MECOM: variants seen among roughly 807,000 people sequenced by gnomAD.
MECOM encodes histone-lysine N-methyltransferase MECOM.
A neutral mutation model predicts 116.3 loss-of-function variants in MECOM; 13 were observed. That is an observed-to-expected ratio of 0.11 (90% CI 0.07 to 0.18). The LOEUF (loss-of-function observed/expected upper bound fraction) is 0.18. Among genes scored for constraint, MECOM ranks in the 10% least tolerant of loss-of-function variants. The pLI, the probability that MECOM is intolerant of heterozygous loss-of-function variation, is 1.00. For synonymous variants in MECOM, 528 were observed against 535.2 expected (o/e 0.99, Z 0.19); for missense variants, 1,299 against 1,509.0 (o/e 0.86, Z 2.31).
At chr3:169,532,796 C>A (rs886319057) in intron 1 of MECOM, among the ~76,000 whole-genome samples, 3 of 150,000 alleles carry the variant, frequency 2.0e-5, no homozygotes, top group Non-Finnish European at 4.4e-5. Flanking sequence ...ATCTGAGAGT[C>A]CTTCAGGAGT....
At chr3:169,662,948 G>T (rs1776506921) in intron 1 of MECOM, among the ~76,000 whole-genome samples, 1 of 151,018 alleles carries the variant, frequency 6.6e-6, no homozygotes, top group Non-Finnish European at 1.5e-5. Context: ...TCCCCCGCCT[G>T]GGGGGAAGGG....
intron 10 of MECOM, among the ~76,000 whole-genome samples, chr3:169,106,515 T>C (rs1188106278): frequency 6.6e-6 from 1 of 152,162 alleles, no homozygotes. Flanking sequence ...CTAATATCTG[T>C]TTTATAATAC....
chr3:169,329,376 G>T (rs1722365472), intron 2 of MECOM, among the ~76,000 whole-genome samples: 1 of 152,176 alleles, frequency 6.6e-6, no homozygotes. Context: ...TTCGGAAGCT[G>T]TTTTGTCCAT....
intron 1 of MECOM, among the ~76,000 whole-genome samples, chr3:169,640,544 G>C (rs985642673): frequency 2.6e-5 from 4 of 152,194 alleles, no homozygotes; most frequent in Non-Finnish European, 4.4e-5. Context: ...TACTACTAAG[G>C]CTTCTCTTCT....
chr3:169,167,203 T>G (rs751582699), intron 2 of MECOM, among the ~76,000 whole-genome samples: 2 of 152,196 alleles, frequency 1.3e-5, no homozygotes, highest in South Asian at 2.1e-4. Flanking sequence ...TTATTTATTG[T>G]TTGTTTCATA....
intron 16 of MECOM, among the ~76,000 whole-genome samples, chr3:169,085,888 C>A (rs1475102878): frequency 6.6e-6 from 1 of 152,174 alleles, no homozygotes; most frequent in Non-Finnish European, 1.5e-5. Context: ...TGTAAGTGAA[C>A]TTTTCACTGT....
chr3:169,280,615 A>G (rs1344327651), intron 2 of MECOM, among the ~76,000 whole-genome samples: 2 of 152,224 alleles, frequency 1.3e-5, no homozygotes, highest in Non-Finnish European at 1.5e-5. Context: ...GGTTGTGGCC[A>G]CAGTGTAGGC....
At chr3:169,327,004 C>T (rs1372281041) in intron 2 of MECOM, among the ~76,000 whole-genome samples, 2 of 152,152 alleles carry the variant, frequency 1.3e-5, no homozygotes, top group African/African-American at 4.8e-5. Flanking sequence ...GCTTTATGCT[C>T]CCAATAGCCT....
chr3:169,162,259 A>G (rs1350000370), intron 2 of MECOM, among the ~76,000 whole-genome samples: 1 of 152,144 alleles, frequency 6.6e-6, no homozygotes, highest in Non-Finnish European at 1.5e-5. Context: ...ACCAAACCAA[A>G]CATGCTGCAG....
At chr3:169,354,898 C>T (rs1726995350) in intron 2 of MECOM, among the ~76,000 whole-genome samples, 1 of 151,778 alleles carries the variant, frequency 6.6e-6, no homozygotes, top group East Asian at 2.0e-4. Context: ...CCACCTGTAG[C>T]CAAACACAGA....
At chr3:169,110,422 C>A (rs1726956506) in intron 9 of MECOM, among the ~76,000 whole-genome samples, 1 of 150,516 alleles carries the variant, frequency 6.6e-6, no homozygotes, top group Non-Finnish European at 1.5e-5. Context: ...TCCAGCTACC[C>A]TGGGAAGGGT....
At chr3:169,260,927 G>A (rs1170896577) in intron 2 of MECOM, among the ~76,000 whole-genome samples, 2 of 152,154 alleles carry the variant, frequency 1.3e-5, no homozygotes, top group East Asian at 1.9e-4. Context: ...GGCATTTATC[G>A]TATGTCAAAA....
At chr3:169,379,875 A>C (rs1560200576) in intron 2 of MECOM, among the ~76,000 whole-genome samples, 1 of 152,194 alleles carries the variant, frequency 6.6e-6, no homozygotes, top group Non-Finnish European at 1.5e-5. Context: ...ATATCAGTTA[A>C]TGCTACAGTG....
intron 2 of MECOM, among the ~76,000 whole-genome samples, chr3:169,204,961 G>C (rs79222094): frequency 0.023 from 3,558 of 152,142 alleles, 149 homozygotes; most frequent in African/African-American, 0.082. Context: ...CAACAGTGTG[G>C]GACTCTGCAA....
chr3:169,615,189 G>T (rs2109848378), intron 1 of MECOM, among the ~76,000 whole-genome samples: 1 of 152,276 alleles, frequency 6.6e-6, no homozygotes, highest in Non-Finnish European at 1.5e-5. Flanking sequence ...TTGTTAAATT[G>T]GCTTAACTTT....
At position 169,139,647 on chromosome 3, in the gene MECOM, T is replaced by C. The variant is rs556928112; in HGVS notation, c.510+4051A>G. ...TACCAATATGTTTTCACTATGAAGA[T>C]GTATTAGAGTAAAGCTGTTGTGTCC... On this transcript the variant is annotated intron_variant, in intron 3 of 16. Transcript: ENST00000651503. 6.6e-5 allele frequency among the ~76,000 whole-genome samples: 10 copies of C among 152,252 alleles called. No individual in the cohort carries two copies. The South Asian group carries it at 2.1e-3, about 32-fold the overall frequency.
intron 12 of MECOM, among the ~76,000 whole-genome samples, chr3:169,096,048 T>C (rs1030706761): frequency 6.6e-6 from 1 of 152,094 alleles, no homozygotes; most frequent in Admixed American, 6.6e-5. Context: ...AAAAAAATCA[T>C]AAATTATTTT....
intron 1 of MECOM, among the ~76,000 whole-genome samples, chr3:169,658,958 C>T (rs912910585): frequency 7.9e-5 from 12 of 151,894 alleles, no homozygotes; most frequent in African/African-American, 2.7e-4. Flanking sequence ...CCTTCCTGCC[C>T]CAGGTCACAA....
intron 1 of MECOM, among the ~76,000 whole-genome samples, chr3:169,387,948 A>G (rs182610330): frequency 6.6e-6 from 1 of 152,248 alleles, no homozygotes; most frequent in African/African-American, 2.4e-5. Flanking sequence ...TAATAAAAAC[A>G]TGAGCAAACT....
Sources: gnomAD v4.1 joint callset for allele counts (sites outside exome capture counted in the v4.1 genomes callset) on GRCh38, gnomAD v4.1.1 for gene constraint, MANE v1.5 for transcripts, NCBI Gene and HGNC (gene_info 2026-07-23, HGNC 2026-07-21) for gene names.